The following PDE1C variants were observed in gnomAD, a reference collection of about 807,000 sequenced individuals.
PDE1C encodes phosphodiesterase 1C.
PDE1C carries 62 observed loss-of-function variants against 93.1 expected under a neutral mutation model. That is an observed-to-expected ratio of 0.67 (90% CI 0.54 to 0.82). The LOEUF is 0.82. Ranked by LOEUF, PDE1C falls within the 40% of genes least tolerant of loss-of-function variation. The pLI is 0.00. For missense variants in PDE1C, 742 were observed against 884.6 expected, an observed-to-expected ratio of 0.84 and a Z score of 2.04; for synonymous variants, 325 against 310.1, an observed-to-expected ratio of 1.05 and a Z score of -0.50.
the PDE1C span, among the ~76,000 whole-genome samples, chr7:31,617,930 TTGTAGTAAAGAAAA>T: frequency 2.0e-5 from 3 of 152,174 alleles, no homozygotes; most frequent in African/African-American, 7.2e-5. Context: ...CCTTTTCTAT[TTGTAGTAAAGAAAA>T]TGGTAGGAAA....
In PDE1C at chr7:32,051,418, C is replaced by G. The variant is rs553130927; in HGVS notation, c.128+136G>C. 8.7e-6 allele frequency: 7 copies of G among 805,386 alleles called. No homozygotes were observed. In the East Asian group the frequency reaches 1.8e-4, roughly 21 times the overall value. 49.9% of individuals were successfully genotyped at this position (805,386 alleles called of 1,614,324 possible). On this transcript the variant is annotated intron_variant, in intron 2 of 17. Transcript: ENST00000396191. ...TTTTAATTACAGCAGCAGTCACGAT[C>G]GGAGATAAAGCACGCAACATGCTGA...
the PDE1C span, among the ~76,000 whole-genome samples, chr7:31,701,372 T>A: frequency 9.0e-4 from 137 of 152,298 alleles, no homozygotes; most frequent in Non-Finnish European, 1.5e-3. Context: ...AAGATATGAC[T>A]GAATTGCTGC....
chr7:31,659,022 A>G, the PDE1C span, among the ~76,000 whole-genome samples: 1 of 152,184 alleles, frequency 6.6e-6, no homozygotes, highest in African/African-American at 2.4e-5. Flanking sequence ...GCTCAGGGCA[A>G]TCTACCAGAG....
chr7:31,998,532 C>A (rs1326951091), intron 2 of PDE1C, among the ~76,000 whole-genome samples: 2 of 152,132 alleles, frequency 1.3e-5, no homozygotes. Context: ...CATCTAGGTA[C>A]AACTATAAGT....
the PDE1C span, chr7:31,643,358 T>C: frequency 6.2e-7 from 1 of 1,613,934 alleles, no homozygotes; most frequent in Non-Finnish European, 8.5e-7. Flanking sequence ...TCTGAAAAGC[T>C]CATTCCCCAC....
intron 2 of PDE1C, among the ~76,000 whole-genome samples, chr7:32,180,703 A>C (rs1803337359): frequency 6.6e-6 from 1 of 152,260 alleles, no homozygotes; most frequent in Non-Finnish European, 1.5e-5. Context: ...TTATAGCAAC[A>C]CAAATGGCGT....
chr7:32,006,404 G>A (rs1041796915), intron 2 of PDE1C, among the ~76,000 whole-genome samples: 2 of 152,150 alleles, frequency 1.3e-5, no homozygotes, highest in African/African-American at 2.4e-5. Context: ...AGGGGTAGAG[G>A]ATATAAGATG....
At chr7:32,155,421 T>C (rs1203576617) in intron 3 of PDE1C, among the ~76,000 whole-genome samples, 3 of 152,200 alleles carry the variant, frequency 2.0e-5, no homozygotes, top group Non-Finnish European at 4.4e-5. Context: ...TTAGCTATTA[T>C]TGTCATCATA....
chr7:32,236,220 A>T, intron 1 of PDE1C, among the ~76,000 whole-genome samples: 1 of 152,156 alleles, frequency 6.6e-6, no homozygotes, highest in Non-Finnish European at 1.5e-5. Flanking sequence ...AATGAGAGAC[A>T]TACCACATTC....
intron 3 of PDE1C, chr7:32,077,955 G>A (rs919359283): frequency 2.0e-6 from 2 of 985,232 alleles, no homozygotes; most frequent in African/African-American, 1.7e-5. Flanking sequence ...CTAGTGGCAG[G>A]GCAGCAAGAC....
intron 2 of PDE1C, among the ~76,000 whole-genome samples, chr7:31,883,125 C>T (rs930794481): frequency 1.3e-5 from 2 of 152,114 alleles, no homozygotes; most frequent in South Asian, 2.1e-4. Flanking sequence ...ATAACAGTAC[C>T]AATTTTTGAG....
At chr7:31,739,200 GACACACACACACAC>G in the PDE1C span, among the ~76,000 whole-genome samples, 3 of 143,070 alleles carry the variant, frequency 2.1e-5, no homozygotes, top group South Asian at 2.4e-4. Context: ...GTAACTTTTA[GACACACACACACAC>G]ACACACACAC....
intron 1 of PDE1C, among the ~76,000 whole-genome samples, chr7:32,361,085 G>A (rs1385823645): frequency 6.6e-6 from 1 of 152,238 alleles, no homozygotes; most frequent in African/African-American, 2.4e-5. Context: ...CAACTATTAA[G>A]TGTGAGACAC....
At chr7:32,018,711 C>A (rs1404007485) in intron 2 of PDE1C, among the ~76,000 whole-genome samples, 1 of 152,086 alleles carries the variant, frequency 6.6e-6, no homozygotes, top group Non-Finnish European at 1.5e-5. Flanking sequence ...TACAGGATTT[C>A]TCTTTTGAGT....
chr7:32,286,396 T>C (rs1215236254), intron 1 of PDE1C, among the ~76,000 whole-genome samples: 1 of 152,194 alleles, frequency 6.6e-6, no homozygotes, highest in Non-Finnish European at 1.5e-5. Context: ...AATGAGAAAT[T>C]AAATGAGCTA....
At chr7:32,070,663 T>C, upstream of PDE1C, 4 of 1,342,630 alleles carry the variant, frequency 3.0e-6, no homozygotes, top group Non-Finnish European at 3.8e-6. Context: ...GGGATAGGGA[T>C]AGAGATAGGG....
intron 1 of PDE1C, among the ~76,000 whole-genome samples, chr7:32,214,951 AGT>A (rs1450294462): frequency 6.6e-6 from 1 of 151,030 alleles, no homozygotes; most frequent in African/African-American, 2.4e-5. Flanking sequence ...GGTTTATCCA[AGT>A]GTGATCAGCT....
rs182227846 is a variant in PDE1C, at chr7:32,048,963, T to C, written c.128+2591A>G. ...ACACACTTTCAAAACAAAATTGACA[T>C]TGTAATTTGAACCTTGACAGGTTTG... On this transcript the variant is annotated intron_variant, in intron 2 of 17. Transcript: ENST00000396191. Among the ~76,000 whole-genome samples the C allele has an allele frequency of 2.9e-3, 443 of 152,290 alleles. 3 individuals carry two copies. The highest frequency in any genetic ancestry group is 0.01 in the African/African-American group (420 of 41,558).
the PDE1C span, among the ~76,000 whole-genome samples, chr7:31,716,395 G>A: frequency 6.6e-6 from 1 of 152,074 alleles, no homozygotes; most frequent in Non-Finnish European, 1.5e-5. Flanking sequence ...GAGAGGGAGG[G>A]TCAGCTATTA....
Sources: allele counts gnomAD v4.1 joint callset (sites outside exome capture counted in the v4.1 genomes callset), GRCh38; gene constraint gnomAD v4.1.1; transcripts MANE v1.5; gene names NCBI Gene and HGNC (gene_info 2026-07-23, HGNC 2026-07-21).